MEI4: variants seen among roughly 807,000 people sequenced by gnomAD.
MEI4 encodes the protein meiotic double-stranded break formation protein 4.
MEI4 carries 27 observed loss-of-function variants against 31.4 expected under a neutral mutation model. That is an observed-to-expected ratio of 0.86 (90% CI 0.63 to 1.19). The LOEUF is 1.19. MEI4 is among the 50% of genes most tolerant of loss of function. The probability of loss-of-function intolerance (pLI) is 0.00; values close to 1 mark genes in which losing one functional copy is unlikely to be tolerated. For synonymous variants in MEI4, 122 were observed against 145.4 expected, an observed-to-expected ratio of 0.84 and a Z score of 1.16; for missense variants, 329 against 398.9, an observed-to-expected ratio of 0.82 and a Z score of 1.49.
At chr6:77,899,332 GCTTA>G (rs1489651305) in intron 4 of MEI4, among the ~76,000 whole-genome samples, 2 of 151,982 alleles carry the variant, frequency 1.3e-5, no homozygotes, top group African/African-American at 2.4e-5. Context: ...AATGGATATG[GCTTA>G]CTATCTGGTG....
At chr6:77,803,091 C>G (rs1248271168) in intron 3 of MEI4, among the ~76,000 whole-genome samples, 1 of 152,184 alleles carries the variant, frequency 6.6e-6, no homozygotes, top group Non-Finnish European at 1.5e-5. Flanking sequence ...CCATTCTCCC[C>G]ATCACTTTCA....
At position 77,715,540 on chromosome 6, in the gene MEI4, T is replaced by C. The variant is rs146313558; in HGVS notation, c.232+24637T>C. On this transcript the variant is annotated intron_variant, in intron 2 of 4. Transcript: ENST00000684080. ...TAATGATTGACCAGTGAGCTTTTTT[T>C]GGCTGTGCTTCTTTTTCAGAATTAG... is the stretch of plus-strand genomic sequence containing the variant. 1.4e-3 allele frequency among the ~76,000 whole-genome samples: 210 copies of C among 152,332 alleles called. 1 individual carries two copies. Among genetic ancestry groups the C allele is most frequent in the African/African-American group, 4.4e-3 (184 of 41,584 alleles).
chr6:77,655,402 A>G (rs1344779865), intron 1 of MEI4, among the ~76,000 whole-genome samples: 1 of 152,214 alleles, frequency 6.6e-6, no homozygotes, highest in Non-Finnish European at 1.5e-5. Flanking sequence ...TTAGTTAAGC[A>G]TGAGCCCTCC....
intron 3 of MEI4, among the ~76,000 whole-genome samples, chr6:77,824,350 C>T (rs1769895618): frequency 6.6e-6 from 1 of 152,096 alleles, no homozygotes; most frequent in Admixed American, 6.6e-5. Flanking sequence ...ATCCATCTGC[C>T]TGGCCTCCCA....
intron 2 of MEI4, among the ~76,000 whole-genome samples, chr6:77,758,912 C>G (rs1253419970): frequency 6.6e-6 from 1 of 152,202 alleles, no homozygotes; most frequent in African/African-American, 2.4e-5. Context: ...ACTTTCTTCA[C>G]TTACTTCCAG....
At chr6:77,883,626 T>C (rs1377844461) in intron 4 of MEI4, among the ~76,000 whole-genome samples, 1 of 150,780 alleles carries the variant, frequency 6.6e-6, no homozygotes, top group African/African-American at 2.4e-5. Flanking sequence ...TTGCTGCAAA[T>C]GACAGGATTT....
intron 2 of MEI4, among the ~76,000 whole-genome samples, chr6:77,706,769 C>G (rs1201324800): frequency 2.0e-5 from 3 of 152,122 alleles, no homozygotes; most frequent in Non-Finnish European, 4.4e-5. Flanking sequence ...ACTTCTCTCC[C>G]TCTCTCTTGC....
At chr6:77,883,717 G>GATAGATATAT (rs1554172067) in intron 4 of MEI4, among the ~76,000 whole-genome samples, 21 of 43,322 alleles carry the variant, frequency 4.8e-4, no homozygotes, top group Admixed American at 7.5e-4. Flanking sequence ...TATTATGTAA[G>GATAGATATAT]ATATATATAT....
chr6:77,842,160 T>C (rs1441029629), intron 4 of MEI4, among the ~76,000 whole-genome samples: 5 of 152,128 alleles, frequency 3.3e-5, no homozygotes, highest in East Asian at 1.9e-4. Flanking sequence ...TGAGATACCA[T>C]TCTAGACCAC....
chr6:77,777,952 C>T (rs1018557343), intron 3 of MEI4, among the ~76,000 whole-genome samples: 1 of 151,602 alleles, frequency 6.6e-6, no homozygotes. Flanking sequence ...AGGTTTGGTA[C>T]ATAAAAATTA....
chr6:77,781,406 A>G (rs1768593324), intron 3 of MEI4, among the ~76,000 whole-genome samples: 14 of 152,172 alleles, frequency 9.2e-5, no homozygotes, highest in Admixed American at 9.2e-4. Flanking sequence ...GCATGTTAAT[A>G]TACATTAAAA....
chr6:77,661,620 C>T (rs1294339159), intron 1 of MEI4, among the ~76,000 whole-genome samples: 1 of 152,058 alleles, frequency 6.6e-6, no homozygotes, highest in East Asian at 1.9e-4. Flanking sequence ...GAAGTGATCT[C>T]CTTGAGGATA....
chr6:77,872,205 T>G (rs1582240250), intron 4 of MEI4, among the ~76,000 whole-genome samples: 2 of 152,262 alleles, frequency 1.3e-5, no homozygotes, highest in African/African-American at 2.4e-5. Context: ...TTTGGGGAAT[T>G]TTTGCTGGAA....
chr6:77,892,623 A>G (rs533591102), intron 4 of MEI4, among the ~76,000 whole-genome samples: 1 of 152,104 alleles, frequency 6.6e-6, no homozygotes, highest in African/African-American at 2.4e-5. Flanking sequence ...AGTGCATTCT[A>G]TTACTCTCTC....
chr6:77,727,179 C>G (rs73759416), intron 2 of MEI4, among the ~76,000 whole-genome samples: 7,267 of 152,150 alleles, frequency 0.048, 484 homozygotes, highest in African/African-American at 0.15. Context: ...CAGAGTCCAC[C>G]TACTTGGATC....
intron 4 of MEI4, among the ~76,000 whole-genome samples, chr6:77,917,040 G>C (rs569346391): frequency 2.0e-5 from 3 of 150,822 alleles, no homozygotes; most frequent in East Asian, 3.9e-4. Flanking sequence ...TTGTTCTTGC[G>C]ATAGTTTACT....
At chr6:77,821,674 A>G (rs1272354391) in intron 3 of MEI4, among the ~76,000 whole-genome samples, 1 of 152,102 alleles carries the variant, frequency 6.6e-6, no homozygotes, top group Non-Finnish European at 1.5e-5. Flanking sequence ...ACATGCCTGT[A>G]CTTCCAGCTA....
intron 3 of MEI4, among the ~76,000 whole-genome samples, chr6:77,790,537 C>T (rs1283817938): frequency 6.6e-6 from 1 of 151,526 alleles, no homozygotes; most frequent in African/African-American, 2.4e-5. Context: ...CAAACCTGCA[C>T]ATGTACTTCC....
chr6:77,779,741 T>A (rs1259184687), intron 3 of MEI4, among the ~76,000 whole-genome samples: 1 of 152,192 alleles, frequency 6.6e-6, no homozygotes, highest in Non-Finnish European at 1.5e-5. Context: ...TCCCCCTTAC[T>A]TCTATGCTTT....
Sources: gnomAD v4.1 joint callset for allele counts (sites outside exome capture counted in the v4.1 genomes callset) on GRCh38, gnomAD v4.1.1 for gene constraint, MANE v1.5 for transcripts, NCBI Gene and HGNC (gene_info 2026-07-23, HGNC 2026-07-21) for gene names.